Variants in SDK1 observed in about 807,000 individuals in gnomAD.
The protein encoded by SDK1 is sidekick cell adhesion molecule 1.
SDK1 carries 157 observed loss-of-function variants against 245.5 expected under a neutral mutation model. The observed-to-expected ratio is 0.64, with a 90% CI of 0.56 to 0.73. SDK1 has a LOEUF of 0.73. Ranked by LOEUF, SDK1 falls within the 30% of genes least tolerant of loss-of-function variation. The pLI, the probability that SDK1 is intolerant of heterozygous loss-of-function variation, is 0.00. For missense variants in SDK1, 3,583 were observed against 3,002.3 expected (o/e 1.19, Z -4.52); for synonymous variants, 1,647 against 1,278.5 (o/e 1.29, Z -6.15).
At chr7:4,229,984 G>T (rs1785646118) in intron 40 of SDK1, among the ~76,000 whole-genome samples, 1 of 150,558 alleles carries the variant, frequency 6.6e-6, no homozygotes, top group Non-Finnish European at 1.5e-5. Flanking sequence ...GTGGATGGGT[G>T]GAAGGAAGAA....
At chr7:3,454,496 A>T (rs1411126062) in intron 1 of SDK1, among the ~76,000 whole-genome samples, 1 of 151,816 alleles carries the variant, frequency 6.6e-6, no homozygotes, top group African/African-American at 2.4e-5. Context: ...GATACAAAAT[A>T]GTTGCATTAC....
rs920593561 is a variant in SDK1, at chr7:3,640,919, T to G, written c.566-1039T>G. ...GGCTGGTGTCAAATTCCTGACCTCGTGATCCACCCGCCTCGGCCTCCCAAA... is the reference window on the plus strand; with the variant it reads ...GGCTGGTGTCAAATTCCTGACCTCGGGATCCACCCGCCTCGGCCTCCCAAA... On this transcript the variant is annotated intron_variant, in intron 3 of 44. Transcript: ENST00000404826. 3.3e-5 allele frequency among the ~76,000 whole-genome samples: 5 copies of G among 152,128 alleles called. No individual in the cohort carries two copies. The South Asian group carries it at 1.0e-3, about 32-fold the overall frequency.
At chr7:3,988,526 C>T (rs1034488381) in intron 14 of SDK1, among the ~76,000 whole-genome samples, 3 of 152,130 alleles carry the variant, frequency 2.0e-5, no homozygotes, top group Non-Finnish European at 4.4e-5. Flanking sequence ...CCAAATGCCT[C>T]GCTCCCTGTG....
In SDK1 at chr7:4,030,345, G is replaced by T. The variant is rs139163015; in HGVS notation, c.2602+12993G>T. ...CGCAGAAGACAGAGGGGAACCAATG[G>T]GCAGAAGTTGCTCAAAGAAAGATTT... is the stretch of plus-strand genomic sequence containing the variant. On this transcript the variant is annotated intron_variant, in intron 17 of 44. Coordinates refer to ENST00000404826, the MANE Select transcript of SDK1 (RefSeq NM_152744.4). Among the ~76,000 whole-genome samples the T allele has an allele frequency of 5.4e-3, 815 of 152,322 alleles. 6 individuals are homozygous for T. The highest frequency in any genetic ancestry group is 0.039 in the South Asian group (190 of 4,830).
At chr7:3,349,725 G>A (rs1387879798) in intron 1 of SDK1, among the ~76,000 whole-genome samples, 5 of 151,930 alleles carry the variant, frequency 3.3e-5, no homozygotes, top group Admixed American at 2.6e-4. Flanking sequence ...TCAGCCTCCC[G>A]AGTGGCTGGG....
chr7:4,090,489 T>G (rs1584095545), intron 22 of SDK1, among the ~76,000 whole-genome samples: 1 of 152,336 alleles, frequency 6.6e-6, no homozygotes, highest in East Asian at 1.9e-4. Flanking sequence ...TTTAACCCAT[T>G]GCTATCATTG....
rs376631440 is a variant in SDK1 at position 3,397,487 on chromosome 7, C to G, written c.298+95603C>G. ...GGTTCGTAGTCTTTTCTTTCCCCCC[C>G]CCAGCGCTTTGAATATGTCACATCA... On this transcript the variant is annotated intron_variant, in intron 1 of 44. Coordinates refer to ENST00000404826, the MANE Select transcript of SDK1 (RefSeq NM_152744.4). 3.0e-4 allele frequency among the ~76,000 whole-genome samples: 46 copies of G among 151,638 alleles called. No individual in the cohort carries two copies. The East Asian group carries it at 5.1e-3, about 17-fold the overall frequency.
chr7:3,794,906 T>C (rs1376200457), intron 4 of SDK1, among the ~76,000 whole-genome samples: 1 of 151,684 alleles, frequency 6.6e-6, no homozygotes, highest in Non-Finnish European at 1.5e-5. Flanking sequence ...AACTTGGCCT[T>C]TAAGAAAATA....
intron 1 of SDK1, among the ~76,000 whole-genome samples, chr7:3,389,143 A>G (rs1015909308): frequency 3.9e-5 from 6 of 152,172 alleles, no homozygotes; most frequent in African/African-American, 1.2e-4. Context: ...GGGGGAGAAT[A>G]GCATTCTAGA....
At chr7:3,896,085 G>A (rs1409416907) in intron 5 of SDK1, among the ~76,000 whole-genome samples, 2 of 152,046 alleles carry the variant, frequency 1.3e-5, no homozygotes, top group Non-Finnish European at 2.9e-5. Flanking sequence ...ATATCAATTA[G>A]GTCAAGCTGG....
chr7:3,651,067 C>G lies in SDK1; in HGVS notation c.713+8962C>G, dbSNP rs77978341. The stretch of plus-strand genomic sequence containing the variant: ...CATGAACATAAGACTTCATTGTGTT[C>G]ATACACACACATGCCCAGGAGTGGA... On this transcript the variant is annotated intron_variant, in intron 4 of 44. Coordinates refer to ENST00000404826, the MANE Select transcript of SDK1 (RefSeq NM_152744.4). 6.1e-3 allele frequency among the ~76,000 whole-genome samples: 915 copies of G among 151,018 alleles called. 6 individuals carry two copies. The highest frequency in any genetic ancestry group is 0.021 in the African/African-American group (854 of 41,178).
chr7:4,030,821 G>A (rs2128158349), intron 17 of SDK1, among the ~76,000 whole-genome samples: 1 of 152,274 alleles, frequency 6.6e-6, no homozygotes, highest in South Asian at 2.1e-4. Flanking sequence ...CCCAGGAACT[G>A]TCTCCTCCGT....
At chr7:3,517,535 C>T (rs1433924871) in intron 1 of SDK1, among the ~76,000 whole-genome samples, 3 of 152,108 alleles carry the variant, frequency 2.0e-5, no homozygotes, top group African/African-American at 7.2e-5. Context: ...TGACCTGTTG[C>T]ATTAGGAAAT....
intron 1 of SDK1, among the ~76,000 whole-genome samples, chr7:3,534,457 C>T (rs1002559070): frequency 6.6e-6 from 1 of 152,078 alleles, no homozygotes; most frequent in Non-Finnish European, 1.5e-5. Context: ...TGAGAAACCT[C>T]CATACCATTT....
intron 4 of SDK1, among the ~76,000 whole-genome samples, chr7:3,801,248 T>G (rs1199786396): frequency 6.6e-6 from 1 of 152,208 alleles, no homozygotes; most frequent in Non-Finnish European, 1.5e-5. Context: ...CAATATAACC[T>G]TTCCCCCATT....
chr7:3,373,620 T>G (rs1781282299), intron 1 of SDK1, among the ~76,000 whole-genome samples: 1 of 139,672 alleles, frequency 7.2e-6, no homozygotes, highest in African/African-American at 2.5e-5. Context: ...GGCAACACCA[T>G]TAAAAATGTT....
At chr7:3,920,877 C>T (rs189283545) in intron 5 of SDK1, among the ~76,000 whole-genome samples, 13 of 152,208 alleles carry the variant, frequency 8.5e-5, no homozygotes, top group South Asian at 4.1e-4. Flanking sequence ...CTGAAGAAGG[C>T]GTTTGGTAAC....
chr7:3,591,001 G>C (rs1780853426), intron 1 of SDK1, among the ~76,000 whole-genome samples: 2 of 151,936 alleles, frequency 1.3e-5, no homozygotes, highest in South Asian at 4.1e-4. Flanking sequence ...CAGGCTGGTA[G>C]AGCATTTTAA....
chr7:4,085,596 C>T (rs1279365598), intron 22 of SDK1, among the ~76,000 whole-genome samples: 6 of 151,962 alleles, frequency 3.9e-5, no homozygotes, highest in South Asian at 2.1e-4. Flanking sequence ...ACTCTGTCAC[C>T]GAGGCTGGAG....
Sources: gnomAD v4.1 joint callset for allele counts (sites outside exome capture counted in the v4.1 genomes callset) on GRCh38, gnomAD v4.1.1 for gene constraint, MANE v1.5 for transcripts, NCBI Gene and HGNC (gene_info 2026-07-23, HGNC 2026-07-21) for gene names.